Variants in MBD5 observed in about 807,000 individuals in gnomAD.
MBD5 encodes methyl-CpG binding domain protein 5, also known as methyl-CpG-binding domain protein 5.
In MBD5, 13 loss-of-function variants were observed where a neutral mutation model predicts 117.3. That is an observed-to-expected ratio of 0.11 (90% CI 0.07 to 0.18). The LOEUF (loss-of-function observed/expected upper bound fraction) is 0.18. MBD5 is among the 10% of genes least tolerant of loss of function. MBD5 has a pLI of 1.00. For synonymous variants in MBD5, 727 were observed against 766.4 expected, an observed-to-expected ratio of 0.95 and a Z score of 0.85; for missense variants, 1,879 against 2,093.8, an observed-to-expected ratio of 0.90 and a Z score of 2.00.
At chr2:148,032,897 A>T (rs1338943583) in intron 1 of MBD5, among the ~76,000 whole-genome samples, 3 of 152,202 alleles carry the variant, frequency 2.0e-5, no homozygotes, top group Admixed American at 6.5e-5. Flanking sequence ...AAGTTAGAAA[A>T]GAAAAGGAAG....
rs980255651 is a variant in MBD5, at chr2:148,178,414, T to G, written c.-924-286T>G. ...TTATGTATTTTAAATCGTATAAAAA[T>G]TTTGCATAGAAACTAGGTAGGCAGA... On this transcript the variant is annotated intron_variant, in intron 1 of 13. Coordinates refer to ENST00000642680, the MANE Select transcript of MBD5 (RefSeq NM_001378120.1). Among the ~76,000 whole-genome samples, 7 of 152,290 alleles carry G rather than the reference T, an allele frequency of 4.6e-5. No homozygotes were observed. In the South Asian group the frequency reaches 8.3e-4, roughly 18 times the overall value.
chr2:148,495,207 A>C lies in MBD5; in HGVS notation c.4962+4613A>C, dbSNP rs190591870. ...GAAGAAAATGGCTACCTCTGACATTACACCTCTATGCCTTAATTTGCAAAC... is the reference window on the plus strand; with the variant it reads ...GAAGAAAATGGCTACCTCTGACATTCCACCTCTATGCCTTAATTTGCAAAC... On this transcript the variant is annotated intron_variant, in intron 11 of 13. Transcript: ENST00000642680. Among the ~76,000 whole-genome samples, 521 of 152,278 alleles carry C rather than the reference A, an allele frequency of 3.4e-3. 1 individual carries two copies. Among genetic ancestry groups the C allele is most frequent in the African/African-American group, 0.011 (468 of 41,562 alleles).
intron 4 of MBD5, among the ~76,000 whole-genome samples, chr2:148,447,316 C>T (rs1706591473): frequency 1.3e-5 from 2 of 151,828 alleles, no homozygotes; most frequent in African/African-American, 4.8e-5. Flanking sequence ...TACCCTTTAC[C>T]TACTCTAAGT....
chr2:148,156,627 T>A (rs1697883014), intron 1 of MBD5, among the ~76,000 whole-genome samples: 1 of 152,250 alleles, frequency 6.6e-6, no homozygotes, highest in African/African-American at 2.4e-5. Context: ...GTGAGCTCTT[T>A]GAGAGTCTGT....
intron 1 of MBD5, among the ~76,000 whole-genome samples, chr2:148,057,294 A>G (rs1024812110): frequency 6.6e-6 from 1 of 151,684 alleles, no homozygotes; most frequent in Admixed American, 6.6e-5. Flanking sequence ...TTTTAAATTT[A>G]TATACTTTCT....
intron 1 of MBD5, among the ~76,000 whole-genome samples, chr2:148,085,940 A>C (rs1020035266): frequency 6.6e-6 from 1 of 152,192 alleles, no homozygotes; most frequent in Non-Finnish European, 1.5e-5. Flanking sequence ...TAGTTCACAC[A>C]GCAAAACCTG....
intron 3 of MBD5, among the ~76,000 whole-genome samples, chr2:148,283,980 A>T (rs556565295): frequency 4.6e-5 from 7 of 152,204 alleles, no homozygotes; most frequent in Non-Finnish European, 8.8e-5. Context: ...GGTCACTGTT[A>T]TCACTAGTTT....
At position 148,272,142 on chromosome 2, in the gene MBD5, A is replaced by G. The variant is rs117995831; in HGVS notation, c.-680+38747A>G. On this transcript the variant is annotated intron_variant, in intron 3 of 13. Transcript: ENST00000642680. ...TTCCTTCATTTTAAGGCTGAGTAGT[A>G]TTGTCTTATGTGTTCATACACCATG... 2.6e-5 allele frequency among the ~76,000 whole-genome samples: 4 copies of G among 152,242 alleles called. No individual in the cohort carries two copies. In the East Asian group the frequency reaches 5.8e-4, roughly 22 times the overall value.
In MBD5 at chr2:148,507,036, C is replaced by A. The variant is rs185964255; in HGVS notation, c.5037-3024C>A. On this transcript the variant is annotated intron_variant, in intron 12 of 13. Coordinates refer to ENST00000642680, the MANE Select transcript of MBD5 (RefSeq NM_001378120.1). ...TATATACAAATAATTTCATGCCCCA[C>A]ATCTATGTATTTATTTTCTCTTCCA... Among the ~76,000 whole-genome samples the A allele has an allele frequency of 1.4e-4, 21 of 152,336 alleles. No individual in the cohort carries two copies. The East Asian group carries it at 3.9e-3, about 28-fold the overall frequency.
chr2:148,417,935 G>A (rs1705474812), intron 4 of MBD5, among the ~76,000 whole-genome samples: 2 of 151,846 alleles, frequency 1.3e-5, no homozygotes, highest in Admixed American at 6.6e-5. Context: ...CGCCTCCTGG[G>A]CTCAAGCGAT....
intron 12 of MBD5, among the ~76,000 whole-genome samples, chr2:148,503,436 G>C (rs747759390): frequency 6.6e-6 from 1 of 152,130 alleles, no homozygotes; most frequent in Admixed American, 6.5e-5. Flanking sequence ...ATGATTCGTA[G>C]TGTATCTTGC....
intron 4 of MBD5, among the ~76,000 whole-genome samples, chr2:148,440,412 T>A (rs1706283245): frequency 6.6e-6 from 1 of 152,184 alleles, no homozygotes; most frequent in Non-Finnish European, 1.5e-5. Context: ...CCCCTGAATG[T>A]GGAATTGTGC....
intron 3 of MBD5, among the ~76,000 whole-genome samples, chr2:148,322,619 G>A (rs59745578): frequency 0.012 from 1,759 of 152,162 alleles, 16 homozygotes; most frequent in East Asian, 0.034. Context: ...CTCAGTGGCA[G>A]TTTGGAAACT....
chr2:148,084,572 A>G (rs921067675), intron 1 of MBD5, among the ~76,000 whole-genome samples: 7 of 152,210 alleles, frequency 4.6e-5, no homozygotes, highest in African/African-American at 1.7e-4. Context: ...AAACAACACA[A>G]TATCTTTAAT....
rs551782728 is a variant in MBD5 at position 148,483,736 on chromosome 2, C to A, written c.3145C>A (p.Leu1049Ile). The A allele has an allele frequency of 1.2e-3, 1,794 of 1,550,610 alleles. 2 individuals are homozygous for A. The highest frequency in any genetic ancestry group is 1.5e-3 in the Non-Finnish European group (1,727 of 1,146,972). Residue 1049 changes from leucine to isoleucine, a missense_variant, in exon 9 of 14, where the codon CTT becomes ATT. Leu to Ile is a conservative substitution (Grantham distance 5). Coordinates refer to ENST00000642680, the MANE Select transcript of MBD5 (RefSeq NM_001378120.1). ...GTCAGACAACAGCCGAGCTGAGACC[C>A]TTTTAACCAGCCCCCTGGGGAACCC... ...NQSDNSRAET[L>I]LTSPLGNPLP...
At chr2:148,098,548 A>G (rs1217612373) in intron 1 of MBD5, among the ~76,000 whole-genome samples, 1 of 152,130 alleles carries the variant, frequency 6.6e-6, no homozygotes, top group African/African-American at 2.4e-5. Flanking sequence ...AGCCCGGTGG[A>G]CAGTATTTAA....
chr2:148,139,923 T>C (rs1221042019), intron 1 of MBD5, among the ~76,000 whole-genome samples: 2 of 152,312 alleles, frequency 1.3e-5, no homozygotes, highest in African/African-American at 4.8e-5. Flanking sequence ...AACCTAAGCA[T>C]GCAAATTGTA....
intron 2 of MBD5, among the ~76,000 whole-genome samples, chr2:148,217,178 C>T (rs2106045776): frequency 6.6e-6 from 1 of 152,194 alleles, no homozygotes; most frequent in South Asian, 2.1e-4. Flanking sequence ...GATGGGGCTA[C>T]GGTATGTGGG....
chr2:148,125,947 T>A (rs555948098), intron 1 of MBD5, among the ~76,000 whole-genome samples: 1 of 152,340 alleles, frequency 6.6e-6, no homozygotes, highest in Non-Finnish European at 1.5e-5. Flanking sequence ...GTCCCATGAT[T>A]AGCTTAGAAG....
Sources: allele counts gnomAD v4.1 joint callset (sites outside exome capture counted in the v4.1 genomes callset), GRCh38; gene constraint gnomAD v4.1.1; transcripts MANE v1.5; gene names NCBI Gene and HGNC (gene_info 2026-07-23, HGNC 2026-07-21).